Variants in KLHL32 observed in about 807,000 individuals in gnomAD.
KLHL32 encodes kelch-like protein 32.
In KLHL32, 35 loss-of-function variants were observed where a neutral mutation model predicts 64.8. That is an observed-to-expected ratio of 0.54 (90% CI 0.41 to 0.72). KLHL32 has a LOEUF of 0.72. Among genes scored for constraint, KLHL32 ranks in the 30% least tolerant of loss-of-function variants. KLHL32 has a pLI of 0.00. For missense variants in KLHL32, 589 were observed against 768.5 expected (o/e 0.77, Z 2.76); for synonymous variants, 259 against 281.0 (o/e 0.92, Z 0.78).
intron 1 of KLHL32, among the ~76,000 whole-genome samples, chr6:96,939,470 G>A (rs988026429): frequency 6.6e-6 from 1 of 152,174 alleles, no homozygotes; most frequent in Non-Finnish European, 1.5e-5. Context: ...AGGAGGAGAG[G>A]TTCATGGCAT....
intron 6 of KLHL32, among the ~76,000 whole-genome samples, chr6:97,105,006 T>G (rs1796216616): frequency 6.6e-6 from 1 of 152,206 alleles, no homozygotes; most frequent in Admixed American, 6.5e-5. Flanking sequence ...CCTTACATGA[T>G]TCACGTTAAA....
chr6:96,942,425 C>T (rs543206253), intron 1 of KLHL32, among the ~76,000 whole-genome samples: 3 of 152,198 alleles, frequency 2.0e-5, no homozygotes, highest in Non-Finnish European at 4.4e-5. Context: ...CTCTACCATG[C>T]AATAATTTCC....
At chr6:96,903,239 AT>A in the KLHL32 span, among the ~76,000 whole-genome samples, 1 of 151,542 alleles carries the variant, frequency 6.6e-6, no homozygotes, top group East Asian at 1.9e-4. Context: ...ATATGGAGAC[AT>A]TTTTTTAAAT....
intron 1 of KLHL32, among the ~76,000 whole-genome samples, chr6:96,928,970 G>C (rs560990068): frequency 6.6e-6 from 1 of 152,306 alleles, no homozygotes; most frequent in Non-Finnish European, 1.5e-5. Context: ...TAGACAGAAG[G>C]CTTTGGTGAC....
At chr6:96,929,751 G>A (rs1007296867) in intron 1 of KLHL32, among the ~76,000 whole-genome samples, 2 of 152,128 alleles carry the variant, frequency 1.3e-5, no homozygotes, top group African/African-American at 4.8e-5. Context: ...TTGACATATG[G>A]CACTATAAGT....
rs1223382809 is a variant in KLHL32, at chr6:97,140,325, C to G, written c.*1043C>G. ...GTACTAATTATGGTACCATAAAGTGCTTTGACATAAATTTGAACCTAGAAT... is the reference window on the plus strand; with the variant it reads ...GTACTAATTATGGTACCATAAAGTGGTTTGACATAAATTTGAACCTAGAAT... On this transcript the variant is annotated 3_prime_UTR_variant, in exon 11 of 11. Transcript: ENST00000369261. 1 of 151,982 alleles carries G rather than the reference C, an allele frequency of 6.6e-6. No homozygotes were observed. Among genetic ancestry groups the G allele is most frequent in the Non-Finnish European group, 1.5e-5 (1 of 67,920 alleles). The allele number at this position is 151,982 out of a possible 1,614,324, so 9.4% of individuals were successfully genotyped here.
intron 6 of KLHL32, among the ~76,000 whole-genome samples, chr6:97,109,568 C>T (rs1188135203): frequency 6.6e-6 from 1 of 152,152 alleles, no homozygotes; most frequent in Non-Finnish European, 1.5e-5. Flanking sequence ...TTCTTAAAAG[C>T]ATAGCTTAGT....
chr6:97,067,327 C>T (rs1789948462), intron 5 of KLHL32, among the ~76,000 whole-genome samples: 1 of 152,206 alleles, frequency 6.6e-6, no homozygotes, highest in Non-Finnish European at 1.5e-5. Context: ...AGCAGTGCTC[C>T]TCTGTGTCAA....
chr6:97,073,031 C>A (rs1252201320), intron 5 of KLHL32, among the ~76,000 whole-genome samples: 2 of 152,186 alleles, frequency 1.3e-5, no homozygotes, highest in East Asian at 3.9e-4. Flanking sequence ...TGCAAAGTAT[C>A]TTACAAACAC....
chr6:97,017,988 T>A lies in KLHL32; in HGVS notation c.205-23504T>A, dbSNP rs539437543. Among the ~76,000 whole-genome samples, 26 of 152,292 alleles carry A rather than the reference T, an allele frequency of 1.7e-4. No individual in the cohort carries two copies. The South Asian group carries it at 5.0e-3, about 29-fold the overall frequency. On this transcript the variant is annotated intron_variant, in intron 3 of 10. Coordinates refer to ENST00000369261, the MANE Select transcript of KLHL32 (RefSeq NM_052904.4). ...ATGAGTGAGTGAAGTCACTGGGAAT[T>A]TGGGTTTTATCTATTATAAAACTGC...
chr6:96,979,732 T>C (rs898822569), intron 3 of KLHL32, among the ~76,000 whole-genome samples: 1 of 152,228 alleles, frequency 6.6e-6, no homozygotes, highest in African/African-American at 2.4e-5. Context: ...TAACATTGAA[T>C]GTGTACATTG....
intron 5 of KLHL32, among the ~76,000 whole-genome samples, chr6:97,077,705 C>T (rs1325322303): frequency 6.6e-6 from 1 of 152,148 alleles, no homozygotes; most frequent in African/African-American, 2.4e-5. Flanking sequence ...GTTTATTTTG[C>T]CCAACTGTTA....
rs1343014497 is a variant in KLHL32, at chr6:97,139,719, A to G, written c.*437A>G. On this transcript the variant is annotated 3_prime_UTR_variant, in exon 11 of 11. Transcript: ENST00000369261. ...CTTGTAATTTTTCTTTTTAAAATTT[A>G]ACATTATGCAGCCCTGCTCAGTAGA... 6.5e-6 allele frequency: 1 copy of G among 153,762 alleles called. No homozygotes were observed. Among genetic ancestry groups the G allele is most frequent in the Non-Finnish European group, 1.4e-5 (1 of 69,220 alleles). The allele number at this position is 153,762 out of a possible 1,614,324, so 9.5% of individuals were successfully genotyped here. A position where few individuals can be genotyped will look rare whatever the true frequency, so the allele number is the denominator to read the frequency against.
At chr6:96,948,484 G>A (rs1409349205) in intron 1 of KLHL32, among the ~76,000 whole-genome samples, 2 of 151,956 alleles carry the variant, frequency 1.3e-5, no homozygotes, top group East Asian at 1.9e-4. Context: ...GTCCTTATGT[G>A]GGCAAGTCTC....
chr6:97,131,278 A>G (rs897728088), intron 9 of KLHL32, among the ~76,000 whole-genome samples: 8 of 152,012 alleles, frequency 5.3e-5, no homozygotes, highest in African/African-American at 1.7e-4. Flanking sequence ...GGATTTAATA[A>G]CTCTTTACAG....
chr6:96,899,572 T>C, the KLHL32 span, among the ~76,000 whole-genome samples: 14 of 152,366 alleles, frequency 9.2e-5, no homozygotes, highest in Middle Eastern at 3.4e-3. Flanking sequence ...GGATTCAACA[T>C]TGAAAGAGCT....
intron 2 of KLHL32, among the ~76,000 whole-genome samples, chr6:96,971,797 G>A (rs1441387758): frequency 1.3e-5 from 2 of 152,108 alleles, no homozygotes; most frequent in East Asian, 3.8e-4. Flanking sequence ...ACCATAATGA[G>A]AAGCATATCT....
intron 4 of KLHL32, among the ~76,000 whole-genome samples, chr6:97,052,347 A>G (rs1787062907): frequency 6.6e-6 from 1 of 152,218 alleles, no homozygotes; most frequent in African/African-American, 2.4e-5. Context: ...TGATTTTCCA[A>G]AATAATGAAC....
At chr6:96,968,005 A>C (rs1234363881) in intron 2 of KLHL32, among the ~76,000 whole-genome samples, 1 of 152,216 alleles carries the variant, frequency 6.6e-6, no homozygotes, top group African/African-American at 2.4e-5. Context: ...GCAAAGAATA[A>C]GAGAGATGAC....
Sources: allele counts gnomAD v4.1 joint callset (sites outside exome capture counted in the v4.1 genomes callset), GRCh38; gene constraint gnomAD v4.1.1; transcripts MANE v1.5; gene names NCBI Gene and HGNC (gene_info 2026-07-23, HGNC 2026-07-21).